LITAF: variants seen among roughly 807,000 people sequenced by gnomAD.
The protein encoded by LITAF is lipopolysaccharide induced TNF factor, also known as lipopolysaccharide-induced tumor necrosis factor-alpha factor.
LITAF carries 9 observed loss-of-function variants against 14.5 expected under a neutral mutation model. The ratio of observed to expected loss-of-function variants is 0.62; its 90% CI spans 0.37 to 1.08. LITAF has a LOEUF of 1.08. Among genes scored for constraint, LITAF ranks in the 50% least tolerant of loss-of-function variants. LITAF has a pLI of 0.01. For missense variants in LITAF, 206 were observed against 213.4 expected (o/e 0.97, Z 0.22); for synonymous variants, 98 against 88.2 (o/e 1.11, Z -0.62).
chr16:11,592,313 C>T (rs554433841), intron 1 of LITAF, among the ~76,000 whole-genome samples: 1 of 152,142 alleles, frequency 6.6e-6, no homozygotes, highest in Non-Finnish European at 1.5e-5. Flanking sequence ...CGGTGGCTCA[C>T]GCCTATACTC....
rs2064130110 is a variant in LITAF at position 11,548,022 on chromosome 16, T to C, written c.*1615A>G. On this transcript the variant is annotated 3_prime_UTR_variant, in exon 4 of 4. Transcript: ENST00000622633. The stretch of plus-strand genomic sequence containing the variant: ...TTCACCGGGTGAACCAAAGACTTTA[T>C]TTTTCAAAAGCAGGTAACACCAAAG... 1 of 454,020 alleles carries C rather than the reference T, an allele frequency of 2.2e-6. No homozygotes were observed. Among genetic ancestry groups the C allele is most frequent in the African/African-American group, 2.0e-5 (1 of 50,010 alleles). The allele number at this position is 454,020 out of a possible 1,614,324, so 28.1% of individuals were successfully genotyped here.
rs2065121159 is a variant in LITAF, at chr16:11,632,139, T to C, written c.85+1394A>G. Among the ~76,000 whole-genome samples, 1 of 152,134 alleles carries C rather than the reference T, an allele frequency of 6.6e-6. No homozygotes were observed. The highest frequency in any genetic ancestry group is 6.6e-5 in the Admixed American group (1 of 15,266). ...GCCTCGGCCTCCCAAAGTGCTGGGA[T>C]TACAGGCGTGAGCCACTGCGCCCGG... is the stretch of plus-strand genomic sequence containing the variant. On this transcript the variant is annotated intron_variant, in intron 3 of 3. Coordinates refer to the LITAF transcript ENST00000574848. This position sits in a 1 kb window ranked among gnomAD's most constrained non-coding sequence, Gnocchi z 4.8.
chr16:11,593,101 G>C (rs1024136593), intron 1 of LITAF, among the ~76,000 whole-genome samples: 2 of 152,152 alleles, frequency 1.3e-5, no homozygotes, highest in Non-Finnish European at 2.9e-5. Flanking sequence ...AACCCCGGAG[G>C]AGGAGCTTGC....
At chr16:11,581,281 A>T (rs1264832632) in intron 1 of LITAF, among the ~76,000 whole-genome samples, 1 of 152,252 alleles carries the variant, frequency 6.6e-6, no homozygotes, top group Non-Finnish European at 1.5e-5. Context: ...ATAGGCCAAG[A>T]GTAAGAAAAA....
intron 1 of LITAF, among the ~76,000 whole-genome samples, chr16:11,585,245 A>G (rs57900082): frequency 0.25 from 37,863 of 151,138 alleles, 5,476 homozygotes; most frequent in East Asian, 0.49. Flanking sequence ...AAAAAAAAAA[A>G]AAAGAAAGAA....
intron 3 of LITAF, among the ~76,000 whole-genome samples, chr16:11,550,491 T>C (rs1017326145): frequency 1.3e-5 from 2 of 152,188 alleles, no homozygotes; most frequent in Admixed American, 1.3e-4. Context: ...ATGACACCCC[T>C]AGGAAATTAA....
In LITAF at chr16:11,605,134, CCT is replaced by C. The variant is rs139959574; in HGVS notation, c.85+28397_85+28398del. Among the ~76,000 whole-genome samples, 26 of 149,610 alleles carry C rather than the reference CCT, an allele frequency of 1.7e-4. No individual in the cohort carries two copies. In the East Asian group the frequency reaches 1.8e-3, roughly 10 times the overall value. ...TCCCAGGAACAGGAATGTGTCCTTT[CCT>C]CTCTCTCTCTCTCTCTCCACTGTGC... On this transcript the variant is annotated intron_variant, in intron 3 of 3. Coordinates refer to the LITAF transcript ENST00000574848. This position sits in a 1 kb window ranked among gnomAD's most constrained non-coding sequence, Gnocchi z 4.7.
intron 1 of LITAF, among the ~76,000 whole-genome samples, chr16:11,562,757 C>A (rs1299983682): frequency 6.6e-6 from 1 of 151,962 alleles, no homozygotes; most frequent in Non-Finnish European, 1.5e-5. Context: ...ATTAGCCGGG[C>A]GTTATGGCAG....
rs1225285539 is a variant in LITAF, at chr16:11,630,050, T to C, written c.85+3483A>G. On this transcript the variant is annotated intron_variant, in intron 3 of 3. Coordinates refer to the LITAF transcript ENST00000574848. ...CACCCACAGGTGCTCAGCGCACTTC[T>C]ATCTGGGTCAGGTTTTGCTCCTTCT... Among the ~76,000 whole-genome samples the C allele has an allele frequency of 2.6e-5, 4 of 152,174 alleles. No individual in the cohort carries two copies. The East Asian group carries it at 7.7e-4, about 29-fold the overall frequency.
At chr16:11,572,932 CTTT>C (rs34208466) in intron 1 of LITAF, among the ~76,000 whole-genome samples, 1 of 143,220 alleles carries the variant, frequency 7.0e-6, no homozygotes. Context: ...ATCTCAAGCT[CTTT>C]TTTTTTTTTT....
chr16:11,617,094 C>A (rs1315870825), intron 3 of LITAF, among the ~76,000 whole-genome samples: 7 of 151,892 alleles, frequency 4.6e-5, no homozygotes, highest in Middle Eastern at 6.3e-3. Flanking sequence ...GTGGTGCAAG[C>A]CTGTGGTCCC....
intron 1 of LITAF, among the ~76,000 whole-genome samples, chr16:11,568,927 G>A (rs1383058027): frequency 6.6e-6 from 1 of 151,882 alleles, no homozygotes; most frequent in Non-Finnish European, 1.5e-5. Flanking sequence ...TGATCCACCC[G>A]CTTCAGCCTC....
intron 1 of LITAF, among the ~76,000 whole-genome samples, chr16:11,580,205 A>G (rs2141827285): frequency 6.6e-6 from 1 of 152,276 alleles, no homozygotes; most frequent in Non-Finnish European, 1.5e-5. Flanking sequence ...CAGAGAAGAG[A>G]TACTTGATCT....
chr16:11,579,126 T>C (rs2064690525), intron 1 of LITAF, among the ~76,000 whole-genome samples: 1 of 151,396 alleles, frequency 6.6e-6, no homozygotes. Flanking sequence ...GAGGCCAAGG[T>C]TGTAGTTAGC....
rs1172369409 is a variant in LITAF at position 11,558,393 on chromosome 16, G to A, written c.-5-1658C>T. 2.0e-5 allele frequency among the ~76,000 whole-genome samples: 3 copies of A among 151,840 alleles called. No homozygotes were observed. Among genetic ancestry groups the A allele is most frequent in the Non-Finnish European group, 4.4e-5 (3 of 68,010 alleles). ...AAGACTAACCTGGGCAACATGGTGA[G>A]ACCCCCATCTCTAAAACAAAACAAA... On this transcript the variant is annotated intron_variant, in intron 1 of 3. Coordinates refer to ENST00000622633, the MANE Select transcript of LITAF (RefSeq NM_001136472.2). The surrounding 1 kb of genome is among the most constrained non-coding windows in gnomAD (Gnocchi z 4.1).
intron 1 of LITAF, among the ~76,000 whole-genome samples, chr16:11,576,813 C>T (rs1191096194): frequency 6.6e-6 from 1 of 152,144 alleles, no homozygotes; most frequent in Non-Finnish European, 1.5e-5. Context: ...TGGGCATCTG[C>T]TTTGATGATA....
At chr16:11,581,447 G>C (rs2064732597) in intron 1 of LITAF, among the ~76,000 whole-genome samples, 1 of 152,142 alleles carries the variant, frequency 6.6e-6, no homozygotes, top group Admixed American at 6.6e-5. Context: ...AAGAGTTTGA[G>C]ACCAGCCTGG....
chr16:11,638,105 T>TAGATAGATAG (rs1567271173), upstream of LITAF, among the ~76,000 whole-genome samples: 2 of 71,914 alleles, frequency 2.8e-5, no homozygotes, highest in African/African-American at 2.1e-4. Context: ...TCTATATATA[T>TAGATAGATAG]ATATCTATCT....
chr16:11,607,456 T>C, intron 3 of LITAF, among the ~76,000 whole-genome samples: 1 of 152,156 alleles, frequency 6.6e-6, no homozygotes, highest in East Asian at 1.9e-4. Flanking sequence ...ATTAATTGGT[T>C]CTCTTTTTGC....
Sources: allele counts gnomAD v4.1 joint callset (sites outside exome capture counted in the v4.1 genomes callset), GRCh38; gene constraint gnomAD v4.1.1; non-coding constraint Gnocchi (gnomAD v3.1); transcripts MANE v1.5; gene names NCBI Gene and HGNC (gene_info 2026-07-23, HGNC 2026-07-21).